DBT: variants seen among roughly 807,000 people sequenced by gnomAD.
DBT encodes lipoamide acyltransferase component of branched-chain alpha-keto acid dehydrogenase complex, mitochondrial.
Under a neutral mutation model 51.3 loss-of-function variants are expected in DBT, and 40 were observed. That is an observed-to-expected ratio of 0.78 (90% confidence interval 0.61 to 1.02). DBT has a LOEUF of 1.02. Ranked by LOEUF, DBT falls within the 50% of genes least tolerant of loss-of-function variation. The pLI, the probability that DBT is intolerant of heterozygous loss-of-function variation, is 0.00. For synonymous variants in DBT, 181 were observed against 190.4 expected (o/e 0.95, Z 0.41); for missense variants, 510 against 580.2 (o/e 0.88, Z 1.24).
At chr1:100,241,463 A>G (rs1664206752) in intron 1 of DBT, among the ~76,000 whole-genome samples, 1 of 151,286 alleles carries the variant, frequency 6.6e-6, no homozygotes, top group Non-Finnish European at 1.5e-5. Context: ...TGGTGCGATC[A>G]CAGTTCACTG....
Position 100,240,824 on chromosome 1 carries a change from A to C in DBT, c.112T>G (p.Cys38Gly). Residue 38 changes from cysteine (C) to glycine (G), a missense_variant, in exon 2 of 11, where the codon TGT (cysteine) becomes GGT (glycine). Physicochemically the swap from Cys to Gly is radical, Grantham distance 159 (BLOSUM62 -3). Coordinates refer to ENST00000370132, the MANE Select transcript of DBT (RefSeq NM_001918.5). ...TTGAATGAAGGATAACCAAAGAAAC[A>C]CACATAATTTGGCTTCAAAACATGA... ...NVHVLKPNYV[C>G]FFGYPSFKYS... The C allele has an allele frequency of 6.2e-7, 1 of 1,609,606 alleles. No individual in the cohort carries two copies. The highest frequency in any genetic ancestry group is 8.5e-7 in the Non-Finnish European group (1 of 1,176,054).
intron 4 of DBT, among the ~76,000 whole-genome samples, chr1:100,227,456 AC>A (rs1663290647): frequency 6.6e-6 from 1 of 152,230 alleles, no homozygotes; most frequent in Non-Finnish European, 1.5e-5. Flanking sequence ...AGAAAGGTCC[AC>A]TTTACAGAAG....
chr1:100,240,300 T>C (rs929313898), intron 2 of DBT, among the ~76,000 whole-genome samples: 4 of 152,204 alleles, frequency 2.6e-5, no homozygotes, highest in African/African-American at 7.2e-5. Flanking sequence ...GTCATATCAA[T>C]GCTGACTATT....
At chr1:100,236,315 G>T (rs1341424789) in intron 2 of DBT, among the ~76,000 whole-genome samples, 1 of 152,122 alleles carries the variant, frequency 6.6e-6, no homozygotes, top group Admixed American at 6.5e-5. Flanking sequence ...ATTCTCAAAA[G>T]AGAAAAGTAT....
chr1:100,202,171 CA>C (rs1236997584), intron 10 of DBT, among the ~76,000 whole-genome samples: 1 of 151,870 alleles, frequency 6.6e-6, no homozygotes, highest in Non-Finnish European at 1.5e-5. Context: ...ATCTCATGTG[CA>C]AAGACACACA....
intron 3 of DBT, 23 bp from the exon 4 acceptor site, chr1:100,230,937 A>C: frequency 7.1e-7 from 1 of 1,407,972 alleles, no homozygotes; most frequent in South Asian, 1.2e-5. Context: ...GAAATGAGAC[A>C]CTTTTATGGA....
chr1:100,215,870 C>T, intron 6 of DBT, 113 bp downstream of exon 6: 1 of 759,618 alleles, frequency 1.3e-6, no homozygotes, highest in African/African-American at 1.7e-5. Flanking sequence ...TGAAGTTGAA[C>T]TTTCCCTTCA....
Position 100,196,211 on chromosome 1 carries a change from TA to T in DBT, c.*43del, listed in dbSNP as rs1460264198. 1 of 1,525,164 alleles carries T rather than the reference TA, an allele frequency of 6.6e-7. No homozygotes were observed. The highest frequency in any genetic ancestry group is 1.4e-5 in the African/African-American group (1 of 73,026). The allele number at this position is 1,525,164 out of a possible 1,614,324, so 94.5% of individuals were successfully genotyped here. A position where few individuals can be genotyped will look rare whatever the true frequency, so the allele number is the denominator to read the frequency against. On this transcript the variant is annotated 3_prime_UTR_variant, in exon 11 of 11. Transcript: ENST00000370132. ...TGTGCTGGCACAGCTAGGGTTTACA[TA>T]CTCTTTGGAAGCTCAAAAAGTTCAA...
chr1:100,233,904 G>A (rs186552675), intron 3 of DBT, among the ~76,000 whole-genome samples: 3 of 152,232 alleles, frequency 2.0e-5, no homozygotes, highest in Non-Finnish European at 4.4e-5. Flanking sequence ...AACAGCCTAC[G>A]ACCTAATGCT....
Position 100,191,626 on chromosome 1 carries a change from C to T in DBT, c.*4629G>A, listed in dbSNP as rs1278864571. ...ATGAGGATGGCTGACTCCTAGGCTC[C>T]AAAGGTGACTAAGACTCAAGTGTGG... On this transcript the variant is annotated 3_prime_UTR_variant, in exon 11 of 11. Transcript: ENST00000370132. 6.6e-6 allele frequency: 1 copy of T among 152,170 alleles called. No homozygotes were observed. The highest frequency in any genetic ancestry group is 1.5e-5 in the Non-Finnish European group (1 of 68,028). The allele number at this position is 152,170 out of a possible 1,614,324, so 9.4% of individuals were successfully genotyped here.
At chr1:100,235,652 T>C (rs914043550) in intron 2 of DBT, 141 bp from the exon 3 acceptor site, 19 of 572,788 alleles carry the variant, frequency 3.3e-5, no homozygotes, top group Non-Finnish European at 5.8e-5. Context: ...CATTTTATAA[T>C]TTTTAAGAGC....
rs1381039926 is a variant in DBT at position 100,187,971 on chromosome 1, C to T, written c.*8284G>A. ...TATATATCATTATTTCTAATATACA[C>T]CTAGTTATTAGAGAAATTAGTGCAC... On this transcript the variant is annotated 3_prime_UTR_variant, in exon 11 of 11. Transcript: ENST00000370132. The T allele has an allele frequency of 6.6e-6, 1 of 152,042 alleles. No individual in the cohort carries two copies. The highest frequency in any genetic ancestry group is 1.5e-5 in the Non-Finnish European group (1 of 68,034). 9.4% of individuals were successfully genotyped at this position (152,042 alleles called of 1,614,324 possible). A position where few individuals can be genotyped will look rare whatever the true frequency, so the allele number is the denominator to read the frequency against.
At chr1:100,202,049 A>G (rs1661464502) in intron 10 of DBT, among the ~76,000 whole-genome samples, 1 of 152,218 alleles carries the variant, frequency 6.6e-6, no homozygotes, top group African/African-American at 2.4e-5. Flanking sequence ...AAATTTGCAT[A>G]TAACAATATT....
intron 6 of DBT, among the ~76,000 whole-genome samples, chr1:100,215,238 T>C (rs1020373949): frequency 6.6e-6 from 1 of 152,182 alleles, no homozygotes; most frequent in Admixed American, 6.5e-5. Context: ...CTGTGTTATA[T>C]AAAAAATTCA....
rs940505063 is a variant in DBT at position 100,195,678 on chromosome 1, T to A, written c.*577A>T. On this transcript the variant is annotated 3_prime_UTR_variant, in exon 11 of 11. Coordinates refer to ENST00000370132, the MANE Select transcript of DBT (RefSeq NM_001918.5). Reference sequence around the variant, plus strand: ...TAGTAACATGAATTTTGTTTTTTTGTTTTTGAGATGGCGTCTTGCTCTGTC... The same window carrying A: ...TAGTAACATGAATTTTGTTTTTTTGATTTTGAGATGGCGTCTTGCTCTGTC... 1 of 154,330 alleles carries A rather than the reference T, an allele frequency of 6.5e-6. No homozygotes were observed. Among genetic ancestry groups the A allele is most frequent in the African/African-American group, 2.4e-5 (1 of 41,450 alleles). 9.6% of individuals were successfully genotyped at this position (154,330 alleles called of 1,614,324 possible).
chr1:100,208,910 C>CAA lies in DBT; in HGVS notation c.1017+1782_1017+1783dup, dbSNP rs11369687. Among the ~76,000 whole-genome samples the CAA allele has an allele frequency of 4.4e-3, 481 of 109,328 alleles. 1 individual carries two copies. The highest frequency in any genetic ancestry group is 5.9e-3 in the Non-Finnish European group (315 of 52,974). The allele number at this position is 109,328 out of a possible 152,430, so 71.7% of individuals were successfully genotyped here. A position where few individuals can be genotyped will look rare whatever the true frequency, so the allele number is the denominator to read the frequency against. ...TAGGCAACAGAGCAAGACTCTGTAT[C>CAA]AAAAAAAAAAAAAAAAGAAAAAGAA... is the stretch of plus-strand genomic sequence containing the variant. On this transcript the variant is annotated intron_variant, in intron 8 of 10. Transcript: ENST00000370132.
In DBT at chr1:100,198,088, G is replaced by C. The variant is rs533449930; in HGVS notation, c.1282-1666C>G. Among the ~76,000 whole-genome samples the C allele has an allele frequency of 2.0e-5, 3 of 152,054 alleles. No individual in the cohort carries two copies. The East Asian group carries it at 5.8e-4, about 29-fold the overall frequency. On this transcript the variant is annotated intron_variant, in intron 10 of 10. Coordinates refer to ENST00000370132, the MANE Select transcript of DBT (RefSeq NM_001918.5). ...TTGTTCATAACACCATTATGCACAA[G>C]AGCCAAAAAATGGAAAAATCCAAAT...
intron 1 of DBT, among the ~76,000 whole-genome samples, chr1:100,242,223 T>G (rs182425577): frequency 7.9e-5 from 12 of 152,172 alleles, no homozygotes; most frequent in Non-Finnish European, 1.8e-4. Context: ...AAAAAAATCA[T>G]GTACATTAGT....
rs1167214790 is a variant in DBT, at chr1:100,191,189, T to C, written c.*5066A>G. Reference sequence around the variant, plus strand: ...CGCAAACATTTTAAGAAAAATCAGATGAATAGAGAATACTGAAGTTAGTAA... The same window carrying C: ...CGCAAACATTTTAAGAAAAATCAGACGAATAGAGAATACTGAAGTTAGTAA... On this transcript the variant is annotated 3_prime_UTR_variant, in exon 11 of 11. Coordinates refer to ENST00000370132, the MANE Select transcript of DBT (RefSeq NM_001918.5). The C allele has an allele frequency of 6.6e-6, 1 of 152,194 alleles. No individual in the cohort carries two copies. The allele number at this position is 152,194 out of a possible 1,614,324, so 9.4% of individuals were successfully genotyped here.
Sources: gnomAD v4.1 joint callset for allele counts (sites outside exome capture counted in the v4.1 genomes callset) on GRCh38, gnomAD v4.1.1 for gene constraint, MANE v1.5 for transcripts, NCBI Gene and HGNC (gene_info 2026-07-23, HGNC 2026-07-21) for gene names.